Variants in DDHD2 observed in about 807,000 individuals in gnomAD.
DDHD2 encodes DDHD domain containing 2.
A neutral mutation model predicts 91.2 loss-of-function variants in DDHD2; 62 were observed. The ratio of observed to expected loss-of-function variants is 0.68; its 90% CI spans 0.55 to 0.84. DDHD2 has a LOEUF of 0.84. Ranked by LOEUF, DDHD2 falls within the 40% of genes least tolerant of loss-of-function variation. DDHD2 has a pLI of 0.00. For missense variants in DDHD2, 740 were observed against 846.9 expected (o/e 0.87, Z 1.57); for synonymous variants, 271 against 293.9 (o/e 0.92, Z 0.80).
At chr8:38,233,543 C>G (rs187005243) in intron 2 of DDHD2, among the ~76,000 whole-genome samples, 2 of 152,100 alleles carry the variant, frequency 1.3e-5, no homozygotes, top group East Asian at 3.9e-4. Flanking sequence ...CTGGGCCTCC[C>G]AAAGTGCTGG....
At chr8:38,234,041 A>G (rs547483353) in intron 2 of DDHD2, among the ~76,000 whole-genome samples, 8 of 152,254 alleles carry the variant, frequency 5.3e-5, no homozygotes, top group South Asian at 2.1e-4. Context: ...GAATGATTCT[A>G]TTTATACTGA....
intron 16 of DDHD2, 127 bp downstream of exon 16, chr8:38,253,845 C>A: frequency 1.1e-6 from 1 of 928,890 alleles, no homozygotes; most frequent in Non-Finnish European, 1.6e-6. Flanking sequence ...TTTGGGAGGC[C>A]AAGGTGGGAG....
Position 38,234,680 on chromosome 8 carries a change from A to G in DDHD2, c.411+96A>G, listed in dbSNP as rs1585693602. ...TTTATTTTGTGAAATTTCCAGAAAG[A>G]CTTTGGTTCTGTCTGCATCACATTA... On this transcript the variant is annotated intron_variant, in intron 3 of 17. Coordinates refer to ENST00000397166, the MANE Select transcript of DDHD2 (RefSeq NM_015214.3). 33 of 1,098,106 alleles carry G rather than the reference A, an allele frequency of 3.0e-5. 1 individual carries two copies. In the East Asian group the frequency reaches 7.9e-4, roughly 26 times the overall value. The allele number at this position is 1,098,106 out of a possible 1,614,324, so 68.0% of individuals were successfully genotyped here. A position where few individuals can be genotyped will look rare whatever the true frequency, so the allele number is the denominator to read the frequency against.
At chr8:38,253,441 C>G in intron 15 of DDHD2, 115 bp from the exon 16 acceptor site, 3 of 931,054 alleles carry the variant, frequency 3.2e-6, no homozygotes, top group Non-Finnish European at 4.8e-6. Flanking sequence ...GGAGAGAGCT[C>G]TCTGAACAGA....
chr8:38,264,344 T>G, downstream of DDHD2: 1 of 957,460 alleles, frequency 1.0e-6, no homozygotes, highest in Non-Finnish European at 1.5e-6. Flanking sequence ...GTTCACCATG[T>G]TGGCCAGGCT....
chr8:38,266,358 A>G (rs1807586511), downstream of DDHD2: 6 of 1,532,558 alleles, frequency 3.9e-6, no homozygotes, highest in Non-Finnish European at 5.3e-6. Flanking sequence ...AAAGGAAGCT[A>G]CCTCATTCAT....
intron 14 of DDHD2, 34 bp from the exon 15 acceptor site, chr8:38,252,923 A>T: frequency 1.2e-6 from 2 of 1,612,108 alleles, no homozygotes; most frequent in Non-Finnish European, 1.7e-6. Context: ...AGCTCTTTGT[A>T]AATCATTTAA....
intron 13 of DDHD2, 25 bp from the exon 14 acceptor site, chr8:38,252,697 T>G (rs2898674): frequency 1.1e-4 from 175 of 1,537,682 alleles, no homozygotes; most frequent in Non-Finnish European, 1.5e-4. Flanking sequence ...CAGAGGTAAA[T>G]GTAGCTCTTG....
intron 7 of DDHD2, among the ~76,000 whole-genome samples, chr8:38,242,796 A>G (rs956991794): frequency 1.3e-5 from 2 of 152,238 alleles, no homozygotes; most frequent in Admixed American, 6.5e-5. Context: ...TTTCTCAAAC[A>G]TTAAACTACT....
At chr8:38,250,272 T>TA (rs904999457) in intron 11 of DDHD2, 1 of 144,808 alleles carries the variant, frequency 6.9e-6, no homozygotes, top group Non-Finnish European at 1.6e-5. Flanking sequence ...TCTTTTTTTT[T>TA]TCTTTTCCTG....
chr8:38,233,316 T>A (rs1804441797), intron 2 of DDHD2, 102 bp downstream of exon 2: 1 of 839,272 alleles, frequency 1.2e-6, no homozygotes, highest in South Asian at 1.9e-5. Flanking sequence ...AATTTTAGAT[T>A]TTTCCAGTTA....
intron 3 of DDHD2, among the ~76,000 whole-genome samples, chr8:38,236,436 C>T (rs1255281484): frequency 6.6e-6 from 1 of 151,690 alleles, no homozygotes; most frequent in Non-Finnish European, 1.5e-5. Context: ...CTCACTGCAA[C>T]CTCTGCATCC....
chr8:38,272,135 G>C (rs187549005), downstream of DDHD2: 3 of 152,318 alleles, frequency 2.0e-5, no homozygotes, highest in Non-Finnish European at 4.4e-5. Context: ...GTTCCACAAC[G>C]TTATTTACAG....
intron 16 of DDHD2, chr8:38,255,283 A>G (rs1806427976): frequency 2.2e-6 from 1 of 445,996 alleles, no homozygotes; most frequent in South Asian, 1.7e-5. Context: ...TGATGCAATC[A>G]CTATCGTTTG....
rs140678799 is a variant in DDHD2, at chr8:38,232,794, A to G, written c.-8-193A>G. The stretch of plus-strand genomic sequence containing the variant: ...GAGAACTCTGTGCAATGGTTGATCT[A>G]ATAGAAGCATTTTATTTAAAGCTTC... On this transcript the variant is annotated intron_variant, in intron 1 of 17. Coordinates refer to ENST00000397166, the MANE Select transcript of DDHD2 (RefSeq NM_015214.3). 2.6e-3 allele frequency among the ~76,000 whole-genome samples: 399 copies of G among 152,344 alleles called. 1 individual carries two copies. The highest frequency in any genetic ancestry group is 9.4e-3 in the African/African-American group (389 of 41,566).
At chr8:38,246,349 A>T (rs1411116668) in intron 9 of DDHD2, 49 bp downstream of exon 9, 1 of 1,429,026 alleles carries the variant, frequency 7.0e-7, no homozygotes, top group African/African-American at 1.4e-5. Context: ...CTTAGTAAGG[A>T]TTTATAGATT....
intron 16 of DDHD2, among the ~76,000 whole-genome samples, chr8:38,256,901 T>C (rs566927096): frequency 2.9e-4 from 44 of 152,304 alleles, no homozygotes; most frequent in Non-Finnish European, 5.6e-4. Context: ...GAGTTTCAGT[T>C]GCTCCACATC....
In DDHD2 at chr8:38,245,902, A is replaced by C. The variant is rs778628163; in HGVS notation, c.1009A>C (p.Arg337=). Residue 337 remains arginine, a synonymous_variant, in exon 8 of 18, where the codon AGG becomes CGG. Coordinates refer to ENST00000397166, the MANE Select transcript of DDHD2 (RefSeq NM_015214.3). ...CCGAATATACACACTTTTTCTACAGAGGAACCCTGATTTCAAAGGGGGTGT... is the reference window on the plus strand; with the variant it reads ...CCGAATATACACACTTTTTCTACAGCGGAACCCTGATTTCAAAGGGGGTGT... ...MNRIYTLFLQ[R]NPDFKGGVSI... The C allele has an allele frequency of 9.0e-5, 146 of 1,613,952 alleles. No individual in the cohort carries two copies. The highest frequency in any genetic ancestry group is 1.1e-4 in the Non-Finnish European group (131 of 1,180,048).
Position 38,232,991 on chromosome 8 carries a change from C to G in DDHD2, c.-4C>G. 6.2e-7 allele frequency: 1 copy of G among 1,612,990 alleles called. No homozygotes were observed. The highest frequency in any genetic ancestry group is 8.5e-7 in the Non-Finnish European group (1 of 1,179,508). On this transcript the variant is annotated 5_prime_UTR_variant, in exon 2 of 18. Coordinates refer to ENST00000397166, the MANE Select transcript of DDHD2 (RefSeq NM_015214.3). ...ATAGTTTTCTTTTGTCTTTAGAGAGCGAAATGTCATCAGTGCAGTCACAAC... is the reference window on the plus strand; with the variant it reads ...ATAGTTTTCTTTTGTCTTTAGAGAGGGAAATGTCATCAGTGCAGTCACAAC...
Sources: allele counts gnomAD v4.1 joint callset (sites outside exome capture counted in the v4.1 genomes callset), GRCh38; gene constraint gnomAD v4.1.1; transcripts MANE v1.5; gene names NCBI Gene and HGNC (gene_info 2026-07-23, HGNC 2026-07-21).